TPGS2: variants seen among roughly 807,000 people sequenced by gnomAD.
The protein encoded by TPGS2 is polyglutamylase subunit 2.
A neutral mutation model predicts 31.1 loss-of-function variants in TPGS2; 26 were observed. That is an observed-to-expected ratio of 0.84 (90% CI 0.61 to 1.16). The LOEUF is 1.16. Among genes scored for constraint, TPGS2 ranks in the 50% most tolerant of loss-of-function variants. TPGS2 has a pLI of 0.00. For missense variants in TPGS2, 351 were observed against 363.8 expected, an observed-to-expected ratio of 0.96 and a Z score of 0.29; for synonymous variants, 130 against 136.6, an observed-to-expected ratio of 0.95 and a Z score of 0.34.
rs931887168 is a variant in TPGS2 at position 36,797,137 on chromosome 18, G to C, written c.658-87C>G. 25 of 1,562,778 alleles carry C rather than the reference G, an allele frequency of 1.6e-5. No individual in the cohort carries two copies. In the Admixed American group the frequency reaches 2.9e-4, roughly 18 times the overall value. On this transcript the variant is annotated intron_variant, in intron 6 of 6. Coordinates refer to ENST00000334295, the MANE Select transcript of TPGS2 (RefSeq NM_015476.4). The stretch of plus-strand genomic sequence containing the variant: ...CTTTTTGTGGGATGCAGGAGAGTTG[G>C]GAACAGGAGGCAGAGGTACATTTTC...
At chr18:36,826,891 C>G (rs138557073) in intron 1 of TPGS2, among the ~76,000 whole-genome samples, 191 of 152,268 alleles carry the variant, frequency 1.3e-3, no homozygotes, top group African/African-American at 4.4e-3. Flanking sequence ...TGAGGAAATT[C>G]TATCTCTATC....
chr18:36,796,482 T>C lies in TPGS2; in HGVS notation c.*323A>G, dbSNP rs576557092. The C allele has an allele frequency of 1.8e-6, 2 of 1,088,536 alleles. No homozygotes were observed. The highest frequency in any genetic ancestry group is 8.7e-5 in the South Asian group (2 of 22,898). The allele number at this position is 1,088,536 out of a possible 1,614,324, so 67.4% of individuals were successfully genotyped here. ...GCTTCATGGGTCAAAACCAGTGGTT[T>C]CTTTGGGGGACCTCTCTAATCAATC... is the stretch of plus-strand genomic sequence containing the variant. On this transcript the variant is annotated 3_prime_UTR_variant, in exon 7 of 7. Transcript: ENST00000334295.
intron 6 of TPGS2, among the ~76,000 whole-genome samples, chr18:36,784,897 A>T (rs1306708839): frequency 2.0e-5 from 3 of 152,194 alleles, no homozygotes; most frequent in African/African-American, 4.8e-5. Context: ...CAAAATATGC[A>T]GCCCAGTCTG....
At position 36,828,795 on chromosome 18, in the gene TPGS2, G is replaced by A. The variant is rs745992234; in HGVS notation, c.-28C>T. On this transcript the variant is annotated 5_prime_UTR_variant, in exon 1 of 7. Coordinates refer to ENST00000334295, the MANE Select transcript of TPGS2 (RefSeq NM_015476.4). ...CTCGCGACCGCGATTCGCGCGCGGC[G>A]GGAGCGGGTGGAGGGCCGGACCCCG... is the stretch of plus-strand genomic sequence containing the variant. The A allele has an allele frequency of 1.9e-5, 30 of 1,610,294 alleles. No homozygotes were observed. The highest frequency in any genetic ancestry group is 2.4e-5 in the Non-Finnish European group (28 of 1,178,698).
At chr18:36,784,873 T>C (rs991574421) in intron 6 of TPGS2, among the ~76,000 whole-genome samples, 22 of 152,202 alleles carry the variant, frequency 1.4e-4, no homozygotes, top group Non-Finnish European at 1.3e-4. Flanking sequence ...AATAGTCAGC[T>C]ATGCTTTGGG....
intron 1 of TPGS2, among the ~76,000 whole-genome samples, chr18:36,826,963 CT>C (rs1013138875): frequency 3.3e-5 from 5 of 151,760 alleles, no homozygotes; most frequent in Admixed American, 2.0e-4. Flanking sequence ...TTGTCAAATG[CT>C]TTTTTTATTA....
intron 5 of TPGS2, 63 bp from the exon 6 acceptor site, chr18:36,798,672 TG>T: frequency 6.4e-7 from 1 of 1,566,948 alleles, no homozygotes. Flanking sequence ...TCTTTTTAAC[TG>T]TAAAAGGTTA....
chr18:36,783,197 A>T, intron 6 of TPGS2: 1 of 395,802 alleles, frequency 2.5e-6, no homozygotes, highest in East Asian at 3.6e-5. Flanking sequence ...AAACTAAAGG[A>T]TGTTTCCTGT....
intron 2 of TPGS2, 52 bp from the exon 3 acceptor site, chr18:36,807,986 AG>A (rs755148045): frequency 1.3e-6 from 2 of 1,583,722 alleles, no homozygotes; most frequent in South Asian, 2.2e-5. Context: ...AAGAGGGTAC[AG>A]GGCTATGGCT....
chr18:36,800,985 CG>C (rs975172783), intron 4 of TPGS2, among the ~76,000 whole-genome samples: 1 of 152,164 alleles, frequency 6.6e-6, no homozygotes, highest in African/African-American at 2.4e-5. Flanking sequence ...CCACCGCGCC[CG>C]GTCAGAACCA....
chr18:36,825,257 C>T (rs1021175813), intron 1 of TPGS2, among the ~76,000 whole-genome samples: 10 of 151,786 alleles, frequency 6.6e-5, no homozygotes, highest in African/African-American at 2.2e-4. Context: ...ATGGTGAAAC[C>T]CTGTCTCTAC....
chr18:36,782,873 C>T (rs72883551), downstream of TPGS2: 49,980 of 383,412 alleles, frequency 0.13, 3,964 homozygotes, highest in Admixed American at 0.17. Context: ...GGAGGAACAT[C>T]GGAAGTGGTA....
intron 2 of TPGS2, 29 bp from the exon 3 acceptor site, chr18:36,807,963 G>A (rs752078708): frequency 5.0e-6 from 8 of 1,612,168 alleles, no homozygotes; most frequent in Non-Finnish European, 6.8e-6. Context: ...TAAGTGTTAG[G>A]TAAGGGCTGG....
At chr18:36,825,237 C>T (rs1367104921) in intron 1 of TPGS2, among the ~76,000 whole-genome samples, 1 of 151,998 alleles carries the variant, frequency 6.6e-6, no homozygotes, top group Non-Finnish European at 1.5e-5. Context: ...TCGAGACCAT[C>T]CTGGCTAACA....
In TPGS2 at chr18:36,825,698, T is replaced by C. The variant is rs558739207; in HGVS notation, c.85+2985A>G. ...CAGAACTTTTCCATCATCTCAAATA[T>C]AGTATAGGGAAATGTGAGTAAGAGG... On this transcript the variant is annotated intron_variant, in intron 1 of 6. Coordinates refer to ENST00000334295, the MANE Select transcript of TPGS2 (RefSeq NM_015476.4). 3.9e-5 allele frequency among the ~76,000 whole-genome samples: 6 copies of C among 152,316 alleles called. No homozygotes were observed. The South Asian group carries it at 6.2e-4, about 16-fold the overall frequency.
intron 4 of TPGS2, among the ~76,000 whole-genome samples, chr18:36,801,477 G>A (rs2044813546): frequency 6.6e-6 from 1 of 152,098 alleles, no homozygotes; most frequent in Non-Finnish European, 1.5e-5. Flanking sequence ...GGGGTCCATA[G>A]GTGTGGCCAC....
chr18:36,827,040 A>C (rs1381743154), intron 1 of TPGS2, among the ~76,000 whole-genome samples: 1 of 151,478 alleles, frequency 6.6e-6, no homozygotes, highest in African/African-American at 2.4e-5. Flanking sequence ...ATTTTTTTTA[A>C]GTTTCTTTTT....
chr18:36,798,323 A>T, intron 6 of TPGS2, 126 bp downstream of exon 6: 1 of 1,519,236 alleles, frequency 6.6e-7, no homozygotes, highest in Admixed American at 2.1e-5. Flanking sequence ...TTGAAAATGC[A>T]GGTTCCTGGG....
chr18:36,793,774 G>C (rs1035956334), downstream of TPGS2, among the ~76,000 whole-genome samples: 1 of 148,924 alleles, frequency 6.7e-6, no homozygotes, highest in African/African-American at 2.5e-5. Context: ...GTCTTGCTCT[G>C]TCGTCCAGGC....
Sources: allele counts gnomAD v4.1 joint callset (sites outside exome capture counted in the v4.1 genomes callset), GRCh38; gene constraint gnomAD v4.1.1; transcripts MANE v1.5; gene names NCBI Gene and HGNC (gene_info 2026-07-23, HGNC 2026-07-21).